The following NCK2 variants were observed in gnomAD, a reference collection of about 807,000 sequenced individuals.
NCK2 encodes cytoplasmic protein NCK2.
NCK2 carries 16 observed loss-of-function variants against 33.9 expected under a neutral mutation model. The ratio of observed to expected loss-of-function variants is 0.47; its 90% CI spans 0.32 to 0.72. The LOEUF (loss-of-function observed/expected upper bound fraction) is 0.72, where lower values mean the gene tolerates loss of function less well. Among genes scored for constraint, NCK2 ranks in the 30% least tolerant of loss-of-function variants. The pLI is 0.03. For synonymous variants in NCK2, 273 were observed against 239.9 expected (o/e 1.14, Z -1.27); for missense variants, 418 against 537.3 (o/e 0.78, Z 2.19).
intron 1 of NCK2, among the ~76,000 whole-genome samples, chr2:105,762,961 G>A (rs550192255): frequency 3.9e-5 from 6 of 152,330 alleles, no homozygotes; most frequent in Admixed American, 1.3e-4. Context: ...TTGGGAGGCC[G>A]ACGTAGGCGG....
chr2:105,819,528 T>C (rs543428695), intron 2 of NCK2, among the ~76,000 whole-genome samples: 1 of 152,308 alleles, frequency 6.6e-6, no homozygotes, highest in East Asian at 1.9e-4. Flanking sequence ...AAGGTCTTGA[T>C]CGTCAGTGAC....
At chr2:105,788,370 A>G (rs1485292856) in intron 1 of NCK2, among the ~76,000 whole-genome samples, 3 of 152,156 alleles carry the variant, frequency 2.0e-5, no homozygotes, top group African/African-American at 7.2e-5. Flanking sequence ...TATCAACGCC[A>G]TTTAGATGAT....
intron 1 of NCK2, among the ~76,000 whole-genome samples, chr2:105,785,280 C>T (rs557341582): frequency 2.0e-5 from 3 of 152,230 alleles, no homozygotes; most frequent in Non-Finnish European, 4.4e-5. Context: ...TGGTTCTTTA[C>T]GGTGTCACTG....
chr2:105,828,019 G>GTGA (rs1676018798), intron 2 of NCK2, among the ~76,000 whole-genome samples: 1 of 152,152 alleles, frequency 6.6e-6, no homozygotes, highest in Non-Finnish European at 1.5e-5. Context: ...GAGGAACAAG[G>GTGA]TGAAGAGCAC....
intron 3 of NCK2, among the ~76,000 whole-genome samples, chr2:105,874,941 A>G (rs1573235251): frequency 1.3e-5 from 2 of 152,364 alleles, no homozygotes; most frequent in African/African-American, 4.8e-5. Flanking sequence ...AGCAGAAACT[A>G]TAGTTTACCT....
intron 1 of NCK2, among the ~76,000 whole-genome samples, chr2:105,765,232 T>C (rs2104364610): frequency 6.6e-6 from 1 of 152,360 alleles, no homozygotes; most frequent in South Asian, 2.1e-4. Context: ...TGGATTGATC[T>C]ATTCTAGAGG....
At chr2:105,847,713 G>A (rs1676906336) in intron 2 of NCK2, among the ~76,000 whole-genome samples, 1 of 152,120 alleles carries the variant, frequency 6.6e-6, no homozygotes, top group South Asian at 2.1e-4. Flanking sequence ...AAGTACTTAA[G>A]CATAATTTTT....
intron 2 of NCK2, among the ~76,000 whole-genome samples, chr2:105,830,832 A>G (rs4851872): frequency 0.27 from 41,021 of 151,880 alleles, 6,349 homozygotes; most frequent in East Asian, 0.45. Context: ...GGCCATTTGT[A>G]TATCTTCTTT....
chr2:105,891,800 G>A (rs562337098), intron 4 of NCK2, among the ~76,000 whole-genome samples: 1 of 152,068 alleles, frequency 6.6e-6, no homozygotes, highest in African/African-American at 2.4e-5. Context: ...ACCTGCCTTG[G>A]CCTCCCAAAG....
intron 3 of NCK2, among the ~76,000 whole-genome samples, chr2:105,878,513 A>G (rs1170634085): frequency 6.6e-6 from 1 of 152,342 alleles, no homozygotes; most frequent in East Asian, 1.9e-4. Context: ...AGAAGACAGC[A>G]TCTGCAGGTC....
intron 3 of NCK2, among the ~76,000 whole-genome samples, chr2:105,857,822 C>G (rs1677342900): frequency 6.6e-6 from 1 of 152,172 alleles, no homozygotes; most frequent in African/African-American, 2.4e-5. Context: ...GTTGTTATCT[C>G]AGCATGAGTT....
intron 2 of NCK2, among the ~76,000 whole-genome samples, chr2:105,826,779 C>T (rs918353694): frequency 2.0e-5 from 3 of 151,918 alleles, no homozygotes; most frequent in East Asian, 3.9e-4. Context: ...TATCCTGGCA[C>T]ATTTTAGAGA....
At chr2:105,810,799 T>C (rs956999100) in intron 1 of NCK2, among the ~76,000 whole-genome samples, 4 of 152,170 alleles carry the variant, frequency 2.6e-5, no homozygotes, top group African/African-American at 9.7e-5. Context: ...TGTCACAAAT[T>C]TACAAAATTT....
intron 2 of NCK2, chr2:105,848,389 G>T (rs1403930165): frequency 1.3e-5 from 2 of 152,186 alleles, no homozygotes; most frequent in Non-Finnish European, 2.9e-5. Flanking sequence ...AATTTCAACG[G>T]TCGGAAGAGA....
chr2:105,849,627 A>C (rs1676985825), intron 2 of NCK2, among the ~76,000 whole-genome samples: 1 of 152,140 alleles, frequency 6.6e-6, no homozygotes, highest in South Asian at 2.1e-4. Flanking sequence ...AAATGCTCTA[A>C]TGCTCTTCAG....
intron 2 of NCK2, among the ~76,000 whole-genome samples, chr2:105,818,386 CCTG>C (rs1311540871): frequency 6.6e-6 from 1 of 151,364 alleles, no homozygotes; most frequent in Non-Finnish European, 1.5e-5. Context: ...ATATAACAAA[CCTG>C]CACGTTTTGC....
chr2:105,853,090 A>G (rs1218948986), intron 2 of NCK2, among the ~76,000 whole-genome samples: 1 of 152,158 alleles, frequency 6.6e-6, no homozygotes, highest in African/African-American at 2.4e-5. Flanking sequence ...CTGTAATCCT[A>G]AAGTCATCCC....
chr2:105,765,795 G>A (rs1689918578), intron 1 of NCK2, among the ~76,000 whole-genome samples: 2 of 150,996 alleles, frequency 1.3e-5, no homozygotes, highest in South Asian at 4.2e-4. Context: ...GGGTGTGTGT[G>A]TGTGTGTGTG....
chr2:105,795,699 C>G (rs1691057686), intron 1 of NCK2, among the ~76,000 whole-genome samples: 1 of 152,170 alleles, frequency 6.6e-6, no homozygotes, highest in Non-Finnish European at 1.5e-5. Context: ...AAACATCCTA[C>G]AACGCAGGGG....
Sources: allele counts gnomAD v4.1 joint callset (sites outside exome capture counted in the v4.1 genomes callset), GRCh38; gene constraint gnomAD v4.1.1; transcripts MANE v1.5; gene names NCBI Gene and HGNC (gene_info 2026-07-23, HGNC 2026-07-21).